The following ADAMDEC1 variants were observed in gnomAD, a reference collection of about 807,000 sequenced individuals.
The protein encoded by ADAMDEC1 is ADAM DEC1.
In ADAMDEC1, 62 loss-of-function variants were observed where a neutral mutation model predicts 60.4. The ratio of observed to expected loss-of-function variants is 1.03; its 90% CI spans 0.84 to 1.27. The LOEUF is 1.27. Among genes scored for constraint, ADAMDEC1 ranks in the 50% most tolerant of loss-of-function variants. ADAMDEC1 has a pLI of 0.00. For missense variants in ADAMDEC1, 595 were observed against 565.0 expected (o/e 1.05, Z -0.54); for synonymous variants, 210 against 195.1 (o/e 1.08, Z -0.64).
At chr8:24,404,896 G>A (rs1319959475) in intron 13 of ADAMDEC1, among the ~76,000 whole-genome samples, 1 of 152,116 alleles carries the variant, frequency 6.6e-6, no homozygotes, top group African/African-American at 2.4e-5. Context: ...ATCATGGAAT[G>A]AATCCACTCT....
chr8:24,396,449 T>G (rs1038488153), intron 5 of ADAMDEC1, among the ~76,000 whole-genome samples: 1 of 152,074 alleles, frequency 6.6e-6, no homozygotes, highest in African/African-American at 2.4e-5. Context: ...GAGGCGGAGC[T>G]TGCAATGAGC....
chr8:24,394,856 ATTAAT>A (rs1817564613), intron 4 of ADAMDEC1, among the ~76,000 whole-genome samples: 2 of 152,226 alleles, frequency 1.3e-5, no homozygotes, highest in Admixed American at 1.3e-4. Context: ...TGTCTGATAA[ATTAAT>A]TTATGCTCAA....
intron 8 of ADAMDEC1, 101 bp downstream of exon 8, chr8:24,398,652 G>A (rs575961349): frequency 5.8e-6 from 6 of 1,038,160 alleles, no homozygotes; most frequent in Non-Finnish European, 8.5e-6. Context: ...GATCCCAAAT[G>A]TCTTAAGTTA....
In ADAMDEC1 at chr8:24,405,394, G is replaced by A; in HGVS notation, c.*96G>A. 7.2e-7 allele frequency: 1 copy of A among 1,380,510 alleles called. No homozygotes were observed. The highest frequency in any genetic ancestry group is 1.0e-6 in the Non-Finnish European group (1 of 982,136). The allele number at this position is 1,380,510 out of a possible 1,614,324, so 85.5% of individuals were successfully genotyped here. A position where few individuals can be genotyped will look rare whatever the true frequency, so the allele number is the denominator to read the frequency against. On this transcript the variant is annotated 3_prime_UTR_variant, in exon 14 of 14. Coordinates refer to ENST00000256412, the MANE Select transcript of ADAMDEC1 (RefSeq NM_014479.3). ...ATCTTGTGAATTTTCACCCATAATG[G>A]TCTTTCACTTGTCATTCTACTTTCT...
rs1817726049 is a variant in ADAMDEC1 at position 24,400,203 on chromosome 8, G to C, written c.1045G>C (p.Val349Leu). ...KKKNNVALVG[V>L]MSHELGHVLG... ...AAAGAATAATGTGGCTCTTGTAGGA[G>C]TGATGTCACATGAGCTGGGCCATGT... is the stretch of plus-strand genomic sequence containing the variant. Residue 349 changes from valine to leucine, a missense_variant, in exon 11 of 14, where the codon GTG becomes CTG. Val to Leu is a conservative substitution (Grantham distance 32). Transcript: ENST00000256412. 6.2e-7 allele frequency: 1 copy of C among 1,606,060 alleles called. No individual in the cohort carries two copies. The highest frequency in any genetic ancestry group is 8.5e-7 in the Non-Finnish European group (1 of 1,176,378).
At chr8:24,392,401 T>C in intron 2 of ADAMDEC1, 21 bp downstream of exon 2, 1 of 1,530,320 alleles carries the variant, frequency 6.5e-7, no homozygotes. Context: ...TGAATGACCG[T>C]GGTAGATGTT....
chr8:24,397,833 G>T, intron 7 of ADAMDEC1, 88 bp downstream of exon 7: 5 of 1,270,954 alleles, frequency 3.9e-6, no homozygotes, highest in Non-Finnish European at 4.5e-6. Context: ...AACTATTTTA[G>T]CTAATCATGG....
At chr8:24,395,336 A>G (rs929342961) in intron 4 of ADAMDEC1, among the ~76,000 whole-genome samples, 1 of 152,136 alleles carries the variant, frequency 6.6e-6, no homozygotes, top group Non-Finnish European at 1.5e-5. Flanking sequence ...TGACCCCCAA[A>G]CCTGAGGACC....
intron 10 of ADAMDEC1, 52 bp from the exon 11 acceptor site, chr8:24,400,118 T>C: frequency 7.1e-7 from 1 of 1,412,542 alleles, no homozygotes; most frequent in South Asian, 1.5e-5. Flanking sequence ...GTACTGCACA[T>C]TGGCAACAAT....
intron 4 of ADAMDEC1, 148 bp from the exon 5 acceptor site, chr8:24,395,572 C>T (rs1323377658): frequency 1.7e-6 from 1 of 583,090 alleles, no homozygotes; most frequent in Non-Finnish European, 3.0e-6. Flanking sequence ...TGGCCACAGT[C>T]ACTACTTGAA....
At chr8:24,403,361 GT>G (rs369994229) in intron 12 of ADAMDEC1, among the ~76,000 whole-genome samples, 16 of 146,596 alleles carry the variant, frequency 1.1e-4, no homozygotes, top group East Asian at 4.0e-4. Context: ...TATAGTTAGG[GT>G]TTTTTTTTTA....
In ADAMDEC1 at chr8:24,394,118, G is replaced by T. The variant is rs759657832; in HGVS notation, c.334G>T (p.Glu112Ter). 9 of 1,613,470 alleles carry T rather than the reference G, an allele frequency of 5.6e-6. No homozygotes were observed. Among genetic ancestry groups the T allele is most frequent in the Non-Finnish European group, 7.6e-6 (9 of 1,179,510 alleles). Reference protein sequence around the residue: ...YTETLYSPRGEEITTKPENME... With the variant: ...YTETLYSPRG ...TGAAACATTGTACTCACCCAGAGGA[G>T]AGGAAATTACCACGAAACCTGAGAA... The change falls in exon 4 of 14, where the codon GAG becomes TAG. Residue 112 changes from glutamate to a stop codon, truncating the protein, a stop_gained. Transcript: ENST00000256412. LOFTEE classifies it high-confidence loss of function.
chr8:24,399,732 A>G (rs1010686310), intron 10 of ADAMDEC1, among the ~76,000 whole-genome samples: 3 of 152,158 alleles, frequency 2.0e-5, no homozygotes, highest in Non-Finnish European at 4.4e-5. Context: ...TGGAGCAGAA[A>G]GGGCATCCAG....
At chr8:24,397,856 C>A in intron 7 of ADAMDEC1, 111 bp downstream of exon 7, 1 of 995,276 alleles carries the variant, frequency 1.0e-6, no homozygotes, top group South Asian at 1.5e-5. Flanking sequence ...CATTTGTCCA[C>A]CTGGGTGTCT....
rs1311557481 is a variant in ADAMDEC1 at position 24,399,466 on chromosome 8, G to A, written c.1003G>A (p.Val335Ile). The A allele has an allele frequency of 6.2e-6, 10 of 1,613,458 alleles. No homozygotes were observed. The highest frequency in any genetic ancestry group is 7.6e-6 in the Non-Finnish European group (9 of 1,179,536). ...NSLCSPSSVAVIEAKKKNNVA... is the reference protein window; with the variant it reads ...NSLCSPSSVAIIEAKKKNNVA... ...CTTGTGTTCCCCATCTTCGGTTGCT[G>A]TTATTGAGGTTTGTAAATTTGTAGT... The change falls in exon 10 of 14, where the codon GTT (valine) becomes ATT (isoleucine). Residue 335 changes from valine to isoleucine, a missense_variant. Physicochemically the swap from Val to Ile is conservative, Grantham distance 29 (BLOSUM62 3). Transcript: ENST00000256412.
rs1364045732 is a variant in ADAMDEC1 at position 24,402,130 on chromosome 8, G to T, written c.1320+38G>T. 3 of 1,498,562 alleles carry T rather than the reference G, an allele frequency of 2.0e-6. No individual in the cohort carries two copies. In the East Asian group the frequency reaches 7.1e-5, roughly 36 times the overall value. The allele number at this position is 1,498,562 out of a possible 1,614,324, so 92.8% of individuals were successfully genotyped here. On this transcript the variant is annotated intron_variant, in intron 12 of 13. Transcript: ENST00000256412. Reference sequence around the variant, plus strand: ...AGAATTATTGGGGCAGAAGAATTATGCAGTTTTCTTTTTGTTTTCCAATAT... The same window carrying T: ...AGAATTATTGGGGCAGAAGAATTATTCAGTTTTCTTTTTGTTTTCCAATAT...
chr8:24,403,105 G>A (rs974685086), intron 12 of ADAMDEC1, among the ~76,000 whole-genome samples: 2 of 152,014 alleles, frequency 1.3e-5, no homozygotes, highest in African/African-American at 2.4e-5. Flanking sequence ...GAGGACCATT[G>A]TATACACAAT....
chr8:24,397,517 T>C (rs987209248), intron 6 of ADAMDEC1, 61 bp downstream of exon 6: 10 of 1,571,690 alleles, frequency 6.4e-6, no homozygotes, highest in Non-Finnish European at 8.7e-6. Flanking sequence ...ATAGGCAATA[T>C]ACTACTATTC....
chr8:24,397,338 A>G lies in ADAMDEC1; in HGVS notation c.509A>G (p.His170Arg). The G allele has an allele frequency of 6.2e-7, 1 of 1,614,086 alleles. No individual in the cohort carries two copies. The highest frequency in any genetic ancestry group is 1.1e-5 in the South Asian group (1 of 91,078). The stretch of plus-strand genomic sequence containing the variant: ...CTGAAAAGCACAGACGAGAAAGAAC[A>G]TGCCGTCTTTACATCTAACCAGGAG... ...KPLKSTDEKE[H>R]AVFTSNQEEQ... The change falls in exon 6 of 14, where the codon CAT (histidine) becomes CGT (arginine). Residue 170 changes from histidine to arginine, a missense_variant. His to Arg is a conservative substitution (Grantham distance 29). Transcript: ENST00000256412.
Sources: allele counts gnomAD v4.1 joint callset (sites outside exome capture counted in the v4.1 genomes callset), GRCh38; gene constraint gnomAD v4.1.1; transcripts MANE v1.5; gene names NCBI Gene and HGNC (gene_info 2026-07-23, HGNC 2026-07-21).